Variants in OTOF observed in about 807,000 individuals in gnomAD.
The protein encoded by OTOF is otoferlin.
Under a neutral mutation model 236.8 loss-of-function variants are expected in OTOF, and 218 were observed. The ratio of observed to expected loss-of-function variants is 0.92; its 90% CI spans 0.82 to 1.03. The LOEUF (loss-of-function observed/expected upper bound fraction) is 1.03. OTOF is among the 50% of genes least tolerant of loss of function. OTOF has a pLI of 0.00. For missense variants in OTOF, 2,590 were observed against 2,694.4 expected (o/e 0.96, Z 0.86); for synonymous variants, 1,041 against 1,072.5 (o/e 0.97, Z 0.57).
chr2:26,488,536 C>T (rs1474145954), intron 11 of OTOF, among the ~76,000 whole-genome samples: 2 of 152,244 alleles, frequency 1.3e-5, no homozygotes, highest in Non-Finnish European at 2.9e-5. Context: ...ACGGAGCACA[C>T]ATGGCTGCCC....
rs7592534 is a variant in OTOF at position 26,502,177 on chromosome 2, T to C, written c.710+123A>G. The C allele has an allele frequency of 0.089, 90,782 of 1,023,904 alleles. 4,806 individuals are homozygous for C. Among genetic ancestry groups the C allele is most frequent in the African/African-American group, 0.19 (12,308 of 63,648 alleles). The allele number at this position is 1,023,904 out of a possible 1,614,324, so 63.4% of individuals were successfully genotyped here. ...CAAGGAAAAGCAGAAAAGGGTAAGG[T>C]TAGGTTAGGAAGAAGCCGTCCATGA... On this transcript the variant is annotated intron_variant, in intron 7 of 46. Transcript: ENST00000272371.
chr2:26,496,368 G>C (rs1183493466), intron 8 of OTOF, among the ~76,000 whole-genome samples: 1 of 151,664 alleles, frequency 6.6e-6, no homozygotes, highest in African/African-American at 2.4e-5. Context: ...CCAAGTAGCT[G>C]GGATTACAAG....
At chr2:26,474,738 G>T in intron 25 of OTOF, 64 bp from the exon 26 acceptor site, 1 of 1,573,038 alleles carries the variant, frequency 6.4e-7, no homozygotes, top group African/African-American at 1.3e-5. Flanking sequence ...ATCTCGTTTG[G>T]TCCTTACCAC....
At chr2:26,500,147 C>A (rs528732441) in intron 8 of OTOF, among the ~76,000 whole-genome samples, 3 of 152,308 alleles carry the variant, frequency 2.0e-5, no homozygotes, top group Non-Finnish European at 2.9e-5. Flanking sequence ...TGGCCAGACA[C>A]CCCTGGCCTT....
intron 4 of OTOF, among the ~76,000 whole-genome samples, chr2:26,518,578 A>G (rs983719771): frequency 3.9e-5 from 6 of 152,384 alleles, no homozygotes; most frequent in Middle Eastern, 3.4e-3. Context: ...TGCTCACGCA[A>G]AAGTGCTGGG....
intron 30 of OTOF, among the ~76,000 whole-genome samples, chr2:26,471,777 C>G (rs1187997436): frequency 6.6e-6 from 1 of 152,110 alleles, no homozygotes. Flanking sequence ...CACATACGCA[C>G]ACCGCAAGCA....
intron 2 of OTOF, among the ~76,000 whole-genome samples, chr2:26,536,461 G>T (rs1046422025): frequency 2.6e-5 from 4 of 152,300 alleles, no homozygotes; most frequent in African/African-American, 9.6e-5. Flanking sequence ...TGAAGTGGTT[G>T]GGGAGGGTGT....
chr2:26,522,750 CCT>C (rs1666707352), intron 3 of OTOF, among the ~76,000 whole-genome samples: 1 of 152,216 alleles, frequency 6.6e-6, no homozygotes, highest in Middle Eastern at 3.2e-3. Context: ...ACCTGACTGT[CCT>C]GAACCTGCTG....
rs183209979 is a variant in OTOF, at chr2:26,462,635, G to A, written c.5193-454C>T. On this transcript the variant is annotated intron_variant, in intron 41 of 46. Coordinates refer to ENST00000272371, the MANE Select transcript of OTOF (RefSeq NM_194248.3). The surrounding 1 kb of genome is among the most constrained non-coding windows in gnomAD (Gnocchi z 4.7). ...CATGGCTCTCCTGGGATTGCAGACA[G>A]GGCTGCGAGCCCAGAGTGGCCCAGT... Among the ~76,000 whole-genome samples the A allele has an allele frequency of 2.2e-3, 329 of 152,362 alleles. No individual in the cohort carries two copies. The highest frequency in any genetic ancestry group is 3.2e-3 in the Non-Finnish European group (220 of 68,032).
rs916584313 is a variant in OTOF at position 26,465,988 on chromosome 2, T to A, written c.4589A>T (p.Glu1530Val). ...GTTGAGCTGCTTGGAGATGTAGTTC[T>A]CCTTGTCGCGGATGTCAGTCTTGCC... Reference protein sequence around the residue: ...RLGKTDIRDKENYISKQLNPV... With the variant: ...RLGKTDIRDKVNYISKQLNPV... Residue 1530 changes from glutamate to valine, a missense_variant, in exon 37 of 47, where the codon GAG becomes GTG. Around this residue, in one of 2 missense-constraint regions of OTOF, gnomAD observed 1,211 missense variants for 1,352.8 expected, o/e 0.90. Transcript: ENST00000272371. 4.3e-6 allele frequency: 7 copies of A among 1,614,140 alleles called. No homozygotes were observed. The African/African-American group carries it at 9.3e-5, about 22-fold the overall frequency.
chr2:26,539,958 G>T (rs1667171141), intron 1 of OTOF, among the ~76,000 whole-genome samples: 1 of 152,164 alleles, frequency 6.6e-6, no homozygotes, highest in South Asian at 2.1e-4. Context: ...TCTTGAGACA[G>T]AGTCTTGCTC....
At chr2:26,534,706 T>C (rs1522098) in intron 2 of OTOF, among the ~76,000 whole-genome samples, 55,780 of 152,036 alleles carry the variant, frequency 0.37, 12,647 homozygotes, top group Admixed American at 0.53. Flanking sequence ...GCAGGGAGCA[T>C]ATCTCTCTTT....
chr2:26,545,942 C>T (rs1572496305), intron 1 of OTOF, among the ~76,000 whole-genome samples: 1 of 151,972 alleles, frequency 6.6e-6, no homozygotes, highest in Non-Finnish European at 1.5e-5. Flanking sequence ...TATAGTTGAC[C>T]CTTGAACAAC....
intron 46 of OTOF, 116 bp from the exon 47 acceptor site, chr2:26,458,336 G>T: frequency 9.4e-7 from 1 of 1,058,464 alleles, no homozygotes; most frequent in Non-Finnish European, 1.4e-6. Flanking sequence ...AGCCCCAAAA[G>T]CAGTGAATGC....
In OTOF at chr2:26,473,049, G is replaced by A. The variant is rs866276861; in HGVS notation, c.3733+83C>T. On this transcript the variant is annotated intron_variant, in intron 29 of 46. Coordinates refer to ENST00000272371, the MANE Select transcript of OTOF (RefSeq NM_194248.3). The surrounding 1 kb of genome is among the most constrained non-coding windows in gnomAD (Gnocchi z 7.2). ...CGGCCCCAAAGAGCAAACTCTGGTC[G>A]CGGCTTGGACTGGGCGGAGACCTGG... 31 of 1,433,406 alleles carry A rather than the reference G, an allele frequency of 2.2e-5. No individual in the cohort carries two copies. The highest frequency in any genetic ancestry group is 2.5e-4 in the Middle Eastern group (1 of 4,066). 88.8% of individuals were successfully genotyped at this position (1,433,406 alleles called of 1,614,324 possible). A position where few individuals can be genotyped will look rare whatever the true frequency, so the allele number is the denominator to read the frequency against.
chr2:26,528,617 G>C (rs544479070), intron 2 of OTOF, among the ~76,000 whole-genome samples: 1 of 152,290 alleles, frequency 6.6e-6, no homozygotes, highest in South Asian at 2.1e-4. Flanking sequence ...GATTTTTCCT[G>C]GTGCCCTAGA....
chr2:26,479,394 G>A lies in OTOF; in HGVS notation c.2094-10C>T. 1 of 1,612,010 alleles carries A rather than the reference G, an allele frequency of 6.2e-7. No individual in the cohort carries two copies. The highest frequency in any genetic ancestry group is 8.5e-7 in the Non-Finnish European group (1 of 1,179,734). On this transcript the variant is annotated splice_polypyrimidine_tract_variant and intron_variant, in intron 17 of 46. Coordinates refer to ENST00000272371, the MANE Select transcript of OTOF (RefSeq NM_194248.3). ...CAGATGGAAGTAGTTCCTGGGGTGG[G>A]CAGAGGCGGGAGGTGAGGTCTTGGG...
chr2:26,510,274 C>T (rs1666350363), intron 5 of OTOF, among the ~76,000 whole-genome samples: 1 of 152,140 alleles, frequency 6.6e-6, no homozygotes, highest in South Asian at 2.1e-4. Context: ...AGAGTTCCTC[C>T]TCCTTATGCC....
Position 26,473,363 on chromosome 2 carries a change from C to T in OTOF, c.3570+43G>A, listed in dbSNP as rs1665092572. 1 of 1,612,998 alleles carries T rather than the reference C, an allele frequency of 6.2e-7. No individual in the cohort carries two copies. The highest frequency in any genetic ancestry group is 8.5e-7 in the Non-Finnish European group (1 of 1,179,906). Reference sequence around the variant, plus strand: ...GAGGAAGCCGGCTGGCTGAGTGGAGCCACACTGGCCACAGGATGTCCTCCG... The same window carrying T: ...GAGGAAGCCGGCTGGCTGAGTGGAGTCACACTGGCCACAGGATGTCCTCCG... On this transcript the variant is annotated intron_variant, in intron 28 of 46. Transcript: ENST00000272371. This position sits in a 1 kb window ranked among gnomAD's most constrained non-coding sequence, Gnocchi z 7.2.
Sources: gnomAD v4.1 joint callset for allele counts (sites outside exome capture counted in the v4.1 genomes callset) on GRCh38, gnomAD v4.1.1 for gene constraint, gnomAD v4.1.1 regional missense constraint, Gnocchi (gnomAD v3.1) non-coding constraint, MANE v1.5 for transcripts, NCBI Gene and HGNC (gene_info 2026-07-23, HGNC 2026-07-21) for gene names.